Variants in SCN2B observed in about 807,000 individuals in gnomAD.
SCN2B encodes sodium voltage-gated channel beta subunit 2, also known as sodium channel regulatory subunit beta-2.
Under a neutral mutation model 18.2 loss-of-function variants are expected in SCN2B, and 14 were observed. The ratio of observed to expected loss-of-function variants is 0.77; its 90% CI spans 0.51 to 1.21. The LOEUF (loss-of-function observed/expected upper bound fraction) is 1.21, where lower values mean the gene tolerates loss of function less well. Among genes scored for constraint, SCN2B ranks in the 50% most tolerant of loss-of-function variants. The pLI is 0.00. For synonymous variants in SCN2B, 115 were observed against 115.3 expected (o/e 1.00, Z 0.02); for missense variants, 262 against 286.9 (o/e 0.91, Z 0.63).
chr11:118,168,380 C>A lies in SCN2B; in HGVS notation c.238-85G>T, dbSNP rs1004209104. On this transcript the variant is annotated intron_variant, in intron 2 of 3. Transcript: ENST00000278947. This position sits in a 1 kb window ranked among gnomAD's most constrained non-coding sequence, Gnocchi z 4.7. The stretch of plus-strand genomic sequence containing the variant: ...TGAGGATGCCCCCTCTTCCCATCCA[C>A]CCTTTTCCTGGGGAAGAGAGGCAGT... The A allele has an allele frequency of 1.0e-5, 14 of 1,365,858 alleles. No homozygotes were observed. The African/African-American group carries it at 1.7e-4, about 17-fold the overall frequency. The allele number at this position is 1,365,858 out of a possible 1,614,324, so 84.6% of individuals were successfully genotyped here.
chr11:118,170,563 C>T (rs943789981), intron 1 of SCN2B, among the ~76,000 whole-genome samples: 2 of 152,034 alleles, frequency 1.3e-5, no homozygotes, highest in Non-Finnish European at 2.9e-5. Flanking sequence ...GATAGGAGGT[C>T]CCTGCAGGGT....
chr11:118,173,488 T>C (rs1327437512), intron 1 of SCN2B, among the ~76,000 whole-genome samples: 1 of 152,176 alleles, frequency 6.6e-6, no homozygotes, highest in Non-Finnish European at 1.5e-5. Context: ...AATGGCAGGA[T>C]AGTTAACCTC....
Position 118,168,335 on chromosome 11 carries a change from G to T in SCN2B, c.238-40C>A. On this transcript the variant is annotated intron_variant, in intron 2 of 3. Coordinates refer to ENST00000278947, the MANE Select transcript of SCN2B (RefSeq NM_004588.5). This position sits in a 1 kb window ranked among gnomAD's most constrained non-coding sequence, Gnocchi z 4.7. ...AGGGACAGGATGGGTGGCTGGATGA[G>T]CAAGGAACTACAAGGACAGTGAGGA... The T allele has an allele frequency of 6.4e-7, 1 of 1,560,766 alleles. No homozygotes were observed. The highest frequency in any genetic ancestry group is 2.2e-5 in the East Asian group (1 of 44,672).
Position 118,166,893 on chromosome 11 carries a change from G to A in SCN2B, c.642C>T (p.Ala214=). 5 of 1,613,952 alleles carry A rather than the reference G, an allele frequency of 3.1e-6. No homozygotes were observed. In the South Asian group the frequency reaches 4.4e-5, roughly 14 times the overall value. ...CTGCAGGGCCGGCCACCCACTACTT[G>A]GCGCCATCATCCGGGTTGCCTTCAC... ...TDGEGNPDDG[A]K is the part of the protein sequence containing the mutation. Residue 214 remains alanine, a synonymous_variant, in exon 4 of 4, where the codon GCC becomes GCT. Transcript: ENST00000278947.
rs1162918445 is a variant in SCN2B, at chr11:118,174,091, C to CTTTTTTT, written c.70+2264_70+2270dup. Among the ~76,000 whole-genome samples the CTTTTTTT allele has an allele frequency of 5.8e-3, 389 of 66,626 alleles. 22 individuals are homozygous for CTTTTTTT. The highest frequency in any genetic ancestry group is 7.8e-3 in the African/African-American group (121 of 15,516). 43.7% of individuals were successfully genotyped at this position (66,626 alleles called of 152,430 possible). ...ACCATGCCTGGCTTATTTTTCTTTT[C>CTTTTTTT]TTTTTTTTTTTTTTTTTTTTTTTTT... is the stretch of plus-strand genomic sequence containing the variant. On this transcript the variant is annotated intron_variant, in intron 1 of 3. Transcript: ENST00000278947.
At chr11:118,175,190 AAACAC>A (rs1466420000) in intron 1 of SCN2B, among the ~76,000 whole-genome samples, 3 of 152,204 alleles carry the variant, frequency 2.0e-5, no homozygotes, top group Non-Finnish European at 4.4e-5. Flanking sequence ...ACCAAATCAC[AAACAC>A]GTCAGGCAGT....
chr11:118,164,443 T>C lies in SCN2B; in HGVS notation c.*2444A>G, dbSNP rs376304229. The C allele has an allele frequency of 5.9e-5, 9 of 152,694 alleles. No individual in the cohort carries two copies. The highest frequency in any genetic ancestry group is 2.2e-4 in the African/African-American group (9 of 41,450). 9.5% of individuals were successfully genotyped at this position (152,694 alleles called of 1,614,324 possible). ...CCACCCGCATTGGCAGTGTGTTGATTGGCAGTTAGGTACTGAGCTGATGAG... is the reference window on the plus strand; with the variant it reads ...CCACCCGCATTGGCAGTGTGTTGATCGGCAGTTAGGTACTGAGCTGATGAG... On this transcript the variant is annotated 3_prime_UTR_variant, in exon 4 of 4. Coordinates refer to ENST00000278947, the MANE Select transcript of SCN2B (RefSeq NM_004588.5).
At position 118,164,689 on chromosome 11, in the gene SCN2B, A is replaced by T. The variant is rs1192815556; in HGVS notation, c.*2198T>A. The T allele has an allele frequency of 6.5e-6, 1 of 152,686 alleles. No individual in the cohort carries two copies. Among genetic ancestry groups the T allele is most frequent in the Non-Finnish European group, 1.5e-5 (1 of 68,078 alleles). 9.5% of individuals were successfully genotyped at this position (152,686 alleles called of 1,614,324 possible). On this transcript the variant is annotated 3_prime_UTR_variant, in exon 4 of 4. Transcript: ENST00000278947. Reference sequence around the variant, plus strand: ...GGAAGCAGTGTCTTGCAGAGGTGGAATTAGATGCACCAAAAAGTTAATCTT... The same window carrying T: ...GGAAGCAGTGTCTTGCAGAGGTGGATTTAGATGCACCAAAAAGTTAATCTT...
rs1449935492 is a variant in SCN2B, at chr11:118,163,560, C to T, written c.*3327G>A. 1 of 152,572 alleles carries T rather than the reference C, an allele frequency of 6.6e-6. No individual in the cohort carries two copies. Among genetic ancestry groups the T allele is most frequent in the East Asian group, 1.9e-4 (1 of 5,194 alleles). 9.5% of individuals were successfully genotyped at this position (152,572 alleles called of 1,614,324 possible). On this transcript the variant is annotated 3_prime_UTR_variant, in exon 4 of 4. Coordinates refer to ENST00000278947, the MANE Select transcript of SCN2B (RefSeq NM_004588.5). ...CAAGGCACCTCAAAGCAGTTCAGTC[C>T]TGAATAATTGTGCTTTGTTCTTATA...
At position 118,176,438 on chromosome 11, in the gene SCN2B, A is replaced by T. The variant is rs755423226; in HGVS notation, c.-7T>A. 1 of 1,613,274 alleles carries T rather than the reference A, an allele frequency of 6.2e-7. No individual in the cohort carries two copies. The highest frequency in any genetic ancestry group is 1.3e-5 in the African/African-American group (1 of 74,868). On this transcript the variant is annotated 5_prime_UTR_variant, in exon 1 of 4. Transcript: ENST00000278947. ...GCCAGGCATCTCTGTGCATTTTCAG[A>T]GACTGAGATGTTAGTCGGGTGGGCT...
Position 118,168,544 on chromosome 11 carries a change from C to T in SCN2B, c.237+41G>A. 6.2e-7 allele frequency: 1 copy of T among 1,613,306 alleles called. No individual in the cohort carries two copies. Among genetic ancestry groups the T allele is most frequent in the Non-Finnish European group, 8.5e-7 (1 of 1,179,386 alleles). On this transcript the variant is annotated intron_variant, in intron 2 of 3. Coordinates refer to ENST00000278947, the MANE Select transcript of SCN2B (RefSeq NM_004588.5). This position sits in a 1 kb window ranked among gnomAD's most constrained non-coding sequence, Gnocchi z 4.7. ...ACCAGGGGCTTCATGCCATGGGGCTCCTACCTCCTCCCCTGCCCCTGCCTT... is the reference window on the plus strand; with the variant it reads ...ACCAGGGGCTTCATGCCATGGGGCTTCTACCTCCTCCCCTGCCCCTGCCTT...
rs1948385403 is a variant in SCN2B at position 118,166,763 on chromosome 11, G to A, written c.*124C>T. The A allele has an allele frequency of 8.9e-7, 1 of 1,120,138 alleles. No homozygotes were observed. Among genetic ancestry groups the A allele is most frequent in the African/African-American group, 1.5e-5 (1 of 65,512 alleles). The allele number at this position is 1,120,138 out of a possible 1,614,324, so 69.4% of individuals were successfully genotyped here. On this transcript the variant is annotated 3_prime_UTR_variant, in exon 4 of 4. Coordinates refer to ENST00000278947, the MANE Select transcript of SCN2B (RefSeq NM_004588.5). ...GAGATACGAAGTCGGGGGTTCAGGA[G>A]GCCCCAGGTGGGCCCTGGGGTCCTA...
rs1425831413 is a variant in SCN2B at position 118,168,770 on chromosome 11, G to A, written c.71-19C>T. ...GGTGGCACTGCAGATGAAGCCACAA[G>A]CTGGTGAGGAGTCTGGCTGAAAGGG... is the stretch of plus-strand genomic sequence containing the variant. On this transcript the variant is annotated intron_variant, in intron 1 of 3. Coordinates refer to ENST00000278947, the MANE Select transcript of SCN2B (RefSeq NM_004588.5). The surrounding 1 kb of genome is among the most constrained non-coding windows in gnomAD (Gnocchi z 4.7). 1 of 1,614,018 alleles carries A rather than the reference G, an allele frequency of 6.2e-7. No individual in the cohort carries two copies. Among genetic ancestry groups the A allele is most frequent in the South Asian group, 1.1e-5 (1 of 91,084 alleles).
At chr11:118,170,023 C>T (rs1177817112) in intron 1 of SCN2B, among the ~76,000 whole-genome samples, 1 of 152,210 alleles carries the variant, frequency 6.6e-6, no homozygotes, top group Non-Finnish European at 1.5e-5. Flanking sequence ...GATTCCTTTT[C>T]TTTATGGAGG....
chr11:118,176,225 G>A, intron 1 of SCN2B, 137 bp downstream of exon 1: 1 of 815,496 alleles, frequency 1.2e-6, no homozygotes, highest in Non-Finnish European at 2.1e-6. Flanking sequence ...GTCCCTTCCA[G>A]TCCCCAGCAC....
Position 118,168,822 on chromosome 11 carries a change from T to C in SCN2B, c.71-71A>G, listed in dbSNP as rs1948407544. 1.9e-6 allele frequency: 3 copies of C among 1,554,146 alleles called. No individual in the cohort carries two copies. The highest frequency in any genetic ancestry group is 2.7e-6 in the Non-Finnish European group (3 of 1,127,530). ...TGGGGAGGGGCAAGCCCTCTGTGCC[T>C]GGGAGTGTTGGGGGATGAGGCAGAG... is the stretch of plus-strand genomic sequence containing the variant. On this transcript the variant is annotated intron_variant, in intron 1 of 3. Coordinates refer to ENST00000278947, the MANE Select transcript of SCN2B (RefSeq NM_004588.5). The surrounding 1 kb of genome is among the most constrained non-coding windows in gnomAD (Gnocchi z 4.7).
chr11:118,164,643 A>T lies in SCN2B; in HGVS notation c.*2244T>A, dbSNP rs547458957. The T allele has an allele frequency of 6.6e-6, 1 of 152,584 alleles. No individual in the cohort carries two copies. The highest frequency in any genetic ancestry group is 1.5e-5 in the Non-Finnish European group (1 of 68,080). The allele number at this position is 152,584 out of a possible 1,614,324, so 9.5% of individuals were successfully genotyped here. A position where few individuals can be genotyped will look rare whatever the true frequency, so the allele number is the denominator to read the frequency against. On this transcript the variant is annotated 3_prime_UTR_variant, in exon 4 of 4. Coordinates refer to ENST00000278947, the MANE Select transcript of SCN2B (RefSeq NM_004588.5). ...AGGGCACAGATTCTAGAATCTCTTC[A>T]TCTTCCCCAACTGTAGCCTTGGAAG...
chr11:118,174,410 C>T (rs147891560), intron 1 of SCN2B, among the ~76,000 whole-genome samples: 5 of 152,204 alleles, frequency 3.3e-5, no homozygotes, highest in African/African-American at 1.2e-4. Context: ...GGTTGCCCAC[C>T]TGCCCTTTCT....
Position 118,164,091 on chromosome 11 carries a change from A to G in SCN2B, c.*2796T>C, listed in dbSNP as rs1000801387. The G allele has an allele frequency of 1.3e-5, 2 of 152,116 alleles. No homozygotes were observed. The highest frequency in any genetic ancestry group is 2.9e-5 in the Non-Finnish European group (2 of 68,012). The allele number at this position is 152,116 out of a possible 1,614,324, so 9.4% of individuals were successfully genotyped here. A position where few individuals can be genotyped will look rare whatever the true frequency, so the allele number is the denominator to read the frequency against. ...GGGCCCCAGTTGATCAGGGCAGAGGAAAAAAAGACTCCAGGAATCTTGGGC... is the reference window on the plus strand; with the variant it reads ...GGGCCCCAGTTGATCAGGGCAGAGGGAAAAAAGACTCCAGGAATCTTGGGC... On this transcript the variant is annotated 3_prime_UTR_variant, in exon 4 of 4. Coordinates refer to ENST00000278947, the MANE Select transcript of SCN2B (RefSeq NM_004588.5).
Sources: gnomAD v4.1 joint callset for allele counts (sites outside exome capture counted in the v4.1 genomes callset) on GRCh38, gnomAD v4.1.1 for gene constraint, Gnocchi (gnomAD v3.1) non-coding constraint, MANE v1.5 for transcripts, NCBI Gene and HGNC (gene_info 2026-07-23, HGNC 2026-07-21) for gene names.